CHD5: variants seen among roughly 807,000 people sequenced by gnomAD.
The protein encoded by CHD5 is ATP-dependent chromatin remodeler CHD5.
Under a neutral mutation model 230.3 loss-of-function variants are expected in CHD5, and 69 were observed. The ratio of observed to expected loss-of-function variants is 0.30; its 90% confidence interval spans 0.25 to 0.37. The LOEUF (loss-of-function observed/expected upper bound fraction) is 0.37. Among genes scored for constraint, CHD5 ranks in the 10% least tolerant of loss-of-function variants. The probability of loss-of-function intolerance (pLI) is 1.00; values close to 1 mark genes in which losing one functional copy is unlikely to be tolerated. For synonymous variants in CHD5, 1,064 were observed against 1,065.9 expected (o/e 1.00, Z 0.03); for missense variants, 1,827 against 2,622.8 (o/e 0.70, Z 6.63).
Position 6,128,458 on chromosome 1 carries a change from G to T in CHD5, c.3730+41C>A. 6.7e-7 allele frequency: 1 copy of T among 1,497,420 alleles called. No individual in the cohort carries two copies. The highest frequency in any genetic ancestry group is 9.3e-7 in the Non-Finnish European group (1 of 1,076,570). The allele number at this position is 1,497,420 out of a possible 1,614,324, so 92.8% of individuals were successfully genotyped here. Reference sequence around the variant, plus strand: ...CCCTCCTCTGCAGGAGCAGCCACCTGGTCGGAGGAGGAGCTGAGGCTGGGC... The same window carrying T: ...CCCTCCTCTGCAGGAGCAGCCACCTTGTCGGAGGAGGAGCTGAGGCTGGGC... On this transcript the variant is annotated intron_variant, in intron 24 of 41. Transcript: ENST00000262450. The surrounding 1 kb of genome is among the most constrained non-coding windows in gnomAD (Gnocchi z 7.8).
intron 15 of CHD5, among the ~76,000 whole-genome samples, chr1:6,141,646 G>C (rs1487554950): frequency 6.6e-6 from 1 of 152,092 alleles, no homozygotes; most frequent in Non-Finnish European, 1.5e-5. Context: ...AAGTAGCTAA[G>C]ATGAGATCAT....
In CHD5 at chr1:6,126,797, C is replaced by T. The variant is rs766708914; in HGVS notation, c.3904-51G>A. On this transcript the variant is annotated intron_variant, in intron 25 of 41. Coordinates refer to ENST00000262450, the MANE Select transcript of CHD5 (RefSeq NM_015557.3). The surrounding 1 kb of genome is among the most constrained non-coding windows in gnomAD (Gnocchi z 5.7). ...ATGGGTGGAGCCATCTCTGCCCTCC[C>T]GGAAGCCTCAGGCTGCCTCCACCTG... is the stretch of plus-strand genomic sequence containing the variant. 11 of 1,576,012 alleles carry T rather than the reference C, an allele frequency of 7.0e-6. No homozygotes were observed. Among genetic ancestry groups the T allele is most frequent in the African/African-American group, 4.0e-5 (3 of 74,368 alleles).
intron 1 of CHD5, among the ~76,000 whole-genome samples, chr1:6,174,235 G>A (rs1177525897): frequency 1.3e-5 from 2 of 152,010 alleles, no homozygotes; most frequent in Non-Finnish European, 2.9e-5. Flanking sequence ...GGGGACAGAG[G>A]GAGAGAGAGA....
Position 6,136,842 on chromosome 1 carries a change from G to A in CHD5, c.2460C>T (p.His820=), listed in dbSNP as rs538754328. Residue 820 remains histidine (H), a synonymous_variant, in exon 16 of 42, where the codon CAC becomes CAT. Transcript: ENST00000262450. ...RMKKEVQIKF[H]VLLTSYELIT... Reference sequence around the variant, plus strand: ...TGAGCTCATAGGAGGTGAGCAGCACGTGGAATTTGATCTGCACTTCTTTCT... The same window carrying A: ...TGAGCTCATAGGAGGTGAGCAGCACATGGAATTTGATCTGCACTTCTTTCT... 1.8e-5 allele frequency: 29 copies of A among 1,610,804 alleles called. No homozygotes were observed. The highest frequency in any genetic ancestry group is 5.0e-5 in the Admixed American group (3 of 59,782).
intron 9 of CHD5, among the ~76,000 whole-genome samples, chr1:6,147,158 G>A (rs577643589): frequency 4.8e-4 from 73 of 152,348 alleles, no homozygotes; most frequent in African/African-American, 1.7e-3. Context: ...AGACTGCCAT[G>A]TGCATAGGAC....
intron 1 of CHD5, among the ~76,000 whole-genome samples, chr1:6,177,269 G>A (rs565605483): frequency 1.3e-5 from 2 of 152,308 alleles, no homozygotes; most frequent in South Asian, 4.1e-4. Context: ...GCTGCATAGG[G>A]GCTATGAGGA....
chr1:6,136,064 C>T (rs919230994), intron 17 of CHD5, among the ~76,000 whole-genome samples: 4 of 151,950 alleles, frequency 2.6e-5, no homozygotes, highest in Admixed American at 6.6e-5. Flanking sequence ...ATTCCAAAAT[C>T]GACACTGTGC....
rs751629609 is a variant in CHD5, at chr1:6,146,347, T to C, written c.1667A>G (p.Tyr556Cys). The change falls in exon 11 of 42, where the codon TAC becomes TGC. Residue 556 changes from tyrosine (Y) to cysteine (C), a missense_variant. Tyr to Cys is a radical substitution (Grantham distance 194). This residue lies in a region of CHD5 where 657 missense variants were observed against 816.4 expected (regional missense o/e 0.80). Transcript: ENST00000262450. This position sits in a 1 kb window ranked among gnomAD's most constrained non-coding sequence, Gnocchi z 5.1. ...CTTGCCGTCTTCATCCCCAGAGCCG[T>C]AGTCAAAGGGGGGCGGCTCATCCAT... ...NDMDEPPPFD[Y>C]GSGDEDGKSE... The C allele has an allele frequency of 1.9e-6, 3 of 1,614,096 alleles. No individual in the cohort carries two copies. Among genetic ancestry groups the C allele is most frequent in the East Asian group, 2.2e-5 (1 of 44,880 alleles).
chr1:6,136,900 T>C, intron 15 of CHD5, 35 bp from the exon 16 acceptor site: 6 of 1,580,612 alleles, frequency 3.8e-6, no homozygotes, highest in Non-Finnish European at 5.2e-6. Context: ...ATGAGACGGC[T>C]GGGAGCAGAG....
At chr1:6,166,381 A>G (rs1667255093) in intron 2 of CHD5, among the ~76,000 whole-genome samples, 1 of 151,488 alleles carries the variant, frequency 6.6e-6, no homozygotes, top group African/African-American at 2.4e-5. Context: ...CTCCCAGGAG[A>G]GCCCAGGGCT....
Position 6,142,634 on chromosome 1 carries a change from C to A in CHD5, c.2044-29G>T. ...CAGGGGAGGCAGCGGTTCAGACACGCCCCAGATCCTGGGCCACCAGAGTCC... is the reference window on the plus strand; with the variant it reads ...CAGGGGAGGCAGCGGTTCAGACACGACCCAGATCCTGGGCCACCAGAGTCC... On this transcript the variant is annotated intron_variant, in intron 13 of 41. Coordinates refer to ENST00000262450, the MANE Select transcript of CHD5 (RefSeq NM_015557.3). This position sits in a 1 kb window ranked among gnomAD's most constrained non-coding sequence, Gnocchi z 5.2. 17 of 1,585,936 alleles carry A rather than the reference C, an allele frequency of 1.1e-5. No individual in the cohort carries two copies. Among genetic ancestry groups the A allele is most frequent in the Non-Finnish European group, 1.5e-5 (17 of 1,165,616 alleles).
intron 1 of CHD5, among the ~76,000 whole-genome samples, chr1:6,171,996 GGGGTGGA>G (rs1364377905): frequency 3.7e-4 from 57 of 152,340 alleles, no homozygotes; most frequent in African/African-American, 1.3e-3. Flanking sequence ...CCACCTCCTG[GGGGTGGA>G]GGCGGGGTGG....
chr1:6,148,066 TC>T lies in CHD5; in HGVS notation c.1383+787del, dbSNP rs748053735. 3.2e-3 allele frequency among the ~76,000 whole-genome samples: 480 copies of T among 151,942 alleles called. 5 individuals are homozygous for T. Among genetic ancestry groups the T allele is most frequent in the Non-Finnish European group, 2.9e-3 (195 of 67,936 alleles). On this transcript the variant is annotated intron_variant, in intron 9 of 41. Transcript: ENST00000262450. ...AAGGCTGCACCCCTCAAAAGGGTCC[TC>T]CCCTGGCCCCTACACAGACACAGAC...
chr1:6,109,435 G>A lies in CHD5; in HGVS notation c.5578+360C>T, dbSNP rs74051703. Among the ~76,000 whole-genome samples the A allele has an allele frequency of 3.3e-3, 508 of 152,360 alleles. 3 individuals carry two copies. Among genetic ancestry groups the A allele is most frequent in the African/African-American group, 0.012 (493 of 41,584 alleles). On this transcript the variant is annotated intron_variant, in intron 38 of 41. Coordinates refer to ENST00000262450, the MANE Select transcript of CHD5 (RefSeq NM_015557.3). ...ACTTCCCTTCCCACACGGGGCCAAG[G>A]AGAAGGCTCCAGGCTGATGGGTATT...
intron 7 of CHD5, among the ~76,000 whole-genome samples, chr1:6,150,463 T>C (rs866592029): frequency 7.3e-4 from 103 of 141,704 alleles, no homozygotes; most frequent in Middle Eastern, 3.7e-3. Flanking sequence ...GATGGATGGA[T>C]GGACGGACGG....
intron 11 of CHD5, among the ~76,000 whole-genome samples, chr1:6,145,893 G>A (rs1480743929): frequency 1.3e-5 from 2 of 152,180 alleles, no homozygotes; most frequent in African/African-American, 2.4e-5. Context: ...CCCACACCTC[G>A]GGCGTCCCTC....
intron 17 of CHD5, 24 bp from the exon 18 acceptor site, chr1:6,135,427 AG>A: frequency 6.3e-7 from 1 of 1,585,036 alleles, no homozygotes; most frequent in Non-Finnish European, 8.6e-7. Context: ...CTGGGATAAC[AG>A]CCAGGAGCAG....
At chr1:6,148,734 G>A in intron 9 of CHD5, 120 bp downstream of exon 9, 1 of 725,466 alleles carries the variant, frequency 1.4e-6, no homozygotes, top group East Asian at 3.3e-5. Flanking sequence ...ATCGGCTACC[G>A]AGGCGGGGCA....
chr1:6,126,455 G>A lies in CHD5; in HGVS notation c.4078+117C>T, dbSNP rs1307980565. The A allele has an allele frequency of 4.6e-6, 3 of 656,494 alleles. No homozygotes were observed. The highest frequency in any genetic ancestry group is 2.3e-5 in the Admixed American group (1 of 43,464). The allele number at this position is 656,494 out of a possible 1,614,324, so 40.7% of individuals were successfully genotyped here. A position where few individuals can be genotyped will look rare whatever the true frequency, so the allele number is the denominator to read the frequency against. ...GACACCCATCCCTCCTGGCACACTC[G>A]CCCAGCTCTCCCGGCCCGCACCTCC... On this transcript the variant is annotated intron_variant, in intron 26 of 41. Coordinates refer to ENST00000262450, the MANE Select transcript of CHD5 (RefSeq NM_015557.3). This position sits in a 1 kb window ranked among gnomAD's most constrained non-coding sequence, Gnocchi z 5.7.
Sources: allele counts gnomAD v4.1 joint callset (sites outside exome capture counted in the v4.1 genomes callset), GRCh38; gene constraint gnomAD v4.1.1; regional missense constraint gnomAD v4.1.1; non-coding constraint Gnocchi (gnomAD v3.1); transcripts MANE v1.5; gene names NCBI Gene and HGNC (gene_info 2026-07-23, HGNC 2026-07-21).